Variants in RTN4RL1 observed in about 807,000 individuals in gnomAD.
RTN4RL1 encodes reticulon 4 receptor like 1.
Under a neutral mutation model 25.6 loss-of-function variants are expected in RTN4RL1, and 7 were observed. The observed-to-expected ratio is 0.27, with a 90% CI of 0.16 to 0.51. The LOEUF is 0.51. RTN4RL1 is among the 20% of genes least tolerant of loss of function. The pLI is 0.97. For synonymous variants in RTN4RL1, 297 were observed against 288.2 expected (o/e 1.03, Z -0.31); for missense variants, 500 against 615.6 (o/e 0.81, Z 1.99).
chr17:1,959,804 C>T (rs1420983081), intron 1 of RTN4RL1, among the ~76,000 whole-genome samples: 1 of 152,102 alleles, frequency 6.6e-6, no homozygotes. Context: ...ACCTCGTGAT[C>T]CACCCACCTC....
rs1219407050 is a variant in RTN4RL1 at position 1,935,019 on chromosome 17, C to T, written c.*1477G>A. On this transcript the variant is annotated 3_prime_UTR_variant, in exon 2 of 2. Coordinates refer to ENST00000331238, the MANE Select transcript of RTN4RL1 (RefSeq NM_178568.4). Reference sequence around the variant, plus strand: ...GTTCATGAAATGCCCTCATTGTTCCCCTTCTGCTAAGGCCCCCGACGCCTC... The same window carrying T: ...GTTCATGAAATGCCCTCATTGTTCCTCTTCTGCTAAGGCCCCCGACGCCTC... The T allele has an allele frequency of 7.1e-6, 1 of 141,470 alleles. No individual in the cohort carries two copies. Among genetic ancestry groups the T allele is most frequent in the Non-Finnish European group, 1.5e-5 (1 of 65,848 alleles). 8.8% of individuals were successfully genotyped at this position (141,470 alleles called of 1,614,324 possible).
chr17:2,025,193 C>T lies in RTN4RL1; in HGVS notation c.-328G>A. On this transcript the variant is annotated 5_prime_UTR_variant, in exon 1 of 2. Coordinates refer to ENST00000331238, the MANE Select transcript of RTN4RL1 (RefSeq NM_178568.4). This position sits in a 1 kb window ranked among gnomAD's most constrained non-coding sequence, Gnocchi z 4.8. ...TCGCAGGCGGTTTTGAGGGGGGACG[C>T]CGCCCCCTGGCCGGCCGGCCGCAGC... 4.2e-6 allele frequency: 1 copy of T among 235,426 alleles called. No homozygotes were observed. 14.6% of individuals were successfully genotyped at this position (235,426 alleles called of 1,614,324 possible). A position where few individuals can be genotyped will look rare whatever the true frequency, so the allele number is the denominator to read the frequency against.
chr17:2,002,498 T>C (rs1246461448), intron 1 of RTN4RL1, among the ~76,000 whole-genome samples: 2 of 150,838 alleles, frequency 1.3e-5, no homozygotes, highest in South Asian at 2.1e-4. Flanking sequence ...TTCACCGTGT[T>C]AGCCAGGATG....
At chr17:1,991,492 G>C (rs923244245) in intron 1 of RTN4RL1, among the ~76,000 whole-genome samples, 22 of 148,646 alleles carry the variant, frequency 1.5e-4, no homozygotes, top group African/African-American at 5.5e-4. Context: ...AACACAAAAG[G>C]GTATACAATA....
At chr17:1,984,792 C>A (rs1014361842) in intron 1 of RTN4RL1, among the ~76,000 whole-genome samples, 1 of 152,194 alleles carries the variant, frequency 6.6e-6, no homozygotes, top group Admixed American at 6.5e-5. Flanking sequence ...CATGGTGAAA[C>A]CCCGTCTCTA....
chr17:1,952,415 C>T (rs1915704734), intron 1 of RTN4RL1, among the ~76,000 whole-genome samples: 1 of 146,838 alleles, frequency 6.8e-6, no homozygotes, highest in South Asian at 2.2e-4. Context: ...CGGCTCATTG[C>T]AACCTCTGCC....
At chr17:2,019,554 G>T in intron 1 of RTN4RL1, 1 of 152,324 alleles carries the variant, frequency 6.6e-6, no homozygotes. Context: ...CACTGGCCAG[G>T]GGCAAACACC....
intron 1 of RTN4RL1, among the ~76,000 whole-genome samples, chr17:1,951,742 C>T (rs960328510): frequency 1.1e-4 from 17 of 151,776 alleles, no homozygotes; most frequent in African/African-American, 3.4e-4. Context: ...CGTGAGCCAC[C>T]GCGCCCGGCC....
At chr17:2,005,411 G>T (rs2066986177) in intron 1 of RTN4RL1, among the ~76,000 whole-genome samples, 1 of 152,182 alleles carries the variant, frequency 6.6e-6, no homozygotes, top group African/African-American at 2.4e-5. Flanking sequence ...GAGAAAAAAG[G>T]TAATTCCCAG....
chr17:1,982,395 G>A lies in RTN4RL1; in HGVS notation c.13+42458C>T, dbSNP rs200402265. 5.9e-5 allele frequency among the ~76,000 whole-genome samples: 9 copies of A among 152,230 alleles called. No homozygotes were observed. In the East Asian group the frequency reaches 1.4e-3, roughly 23 times the overall value. On this transcript the variant is annotated intron_variant, in intron 1 of 1. Coordinates refer to ENST00000331238, the MANE Select transcript of RTN4RL1 (RefSeq NM_178568.4). ...TGGGAGACCGAGGCGGGCGGACCACGAGGTCAGGAGTTCGAGACCATCCTG... is the reference window on the plus strand; with the variant it reads ...TGGGAGACCGAGGCGGGCGGACCACAAGGTCAGGAGTTCGAGACCATCCTG...
chr17:1,961,704 G>T (rs2066762312), intron 1 of RTN4RL1, among the ~76,000 whole-genome samples: 1 of 144,636 alleles, frequency 6.9e-6, no homozygotes, highest in African/African-American at 2.6e-5. Context: ...GATGCGGGCA[G>T]ATCACTTGAG....
chr17:1,990,506 G>C (rs1597229972), intron 1 of RTN4RL1, among the ~76,000 whole-genome samples: 1 of 152,274 alleles, frequency 6.6e-6, no homozygotes, highest in African/African-American at 2.4e-5. Context: ...TTCAAGACCA[G>C]CCTGGGCAAC....
intron 1 of RTN4RL1, among the ~76,000 whole-genome samples, chr17:1,991,461 A>C (rs1026170464): frequency 0.014 from 1,959 of 143,192 alleles, 47 homozygotes; most frequent in African/African-American, 0.049. Context: ...AAAAAAAAAA[A>C]AACAAAAAAA....
At chr17:1,970,680 C>A (rs914335227) in intron 1 of RTN4RL1, among the ~76,000 whole-genome samples, 1 of 152,162 alleles carries the variant, frequency 6.6e-6, no homozygotes, top group Admixed American at 6.5e-5. Flanking sequence ...CTCAGCAACA[C>A]CTGATAATCA....
intron 1 of RTN4RL1, among the ~76,000 whole-genome samples, chr17:1,999,339 G>A (rs1203435363): frequency 6.6e-6 from 1 of 151,892 alleles, no homozygotes; most frequent in African/African-American, 2.4e-5. Flanking sequence ...CCAGCTACTC[G>A]GGAGGCTGAG....
At chr17:1,957,788 A>G (rs1356417843) in intron 1 of RTN4RL1, among the ~76,000 whole-genome samples, 1 of 151,902 alleles carries the variant, frequency 6.6e-6, no homozygotes, top group Non-Finnish European at 1.5e-5. Flanking sequence ...AGGTTGCACT[A>G]AGCCTAGATT....
intron 1 of RTN4RL1, among the ~76,000 whole-genome samples, chr17:1,946,929 T>G (rs573831211): frequency 1.1e-3 from 165 of 149,560 alleles, no homozygotes; most frequent in African/African-American, 4.0e-3. Flanking sequence ...TGTGTGCATC[T>G]CTGTGTGAAT....
intron 1 of RTN4RL1, among the ~76,000 whole-genome samples, chr17:1,975,069 A>G (rs1309675392): frequency 6.6e-6 from 1 of 152,010 alleles, no homozygotes; most frequent in Non-Finnish European, 1.5e-5. Flanking sequence ...CGGCACCCCC[A>G]CCCATGGTGA....
chr17:1,935,554 GC>G lies in RTN4RL1; in HGVS notation c.*941del. The G allele has an allele frequency of 1.0e-6, 1 of 985,368 alleles. No homozygotes were observed. Among genetic ancestry groups the G allele is most frequent in the Non-Finnish European group, 1.2e-6 (1 of 829,848 alleles). The allele number at this position is 985,368 out of a possible 1,614,324, so 61.0% of individuals were successfully genotyped here. On this transcript the variant is annotated 3_prime_UTR_variant, in exon 2 of 2. Transcript: ENST00000331238. ...GCCAGGTCCCTTGGAGACTATCGTT[GC>G]CAGTTTGGGATTCTAGACAAAAATT...
Sources: allele counts gnomAD v4.1 joint callset (sites outside exome capture counted in the v4.1 genomes callset), GRCh38; gene constraint gnomAD v4.1.1; non-coding constraint Gnocchi (gnomAD v3.1); transcripts MANE v1.5; gene names NCBI Gene and HGNC (gene_info 2026-07-23, HGNC 2026-07-21).